Variants in CACNG7 observed in about 807,000 individuals in gnomAD.
CACNG7 encodes the protein voltage-dependent calcium channel gamma-7 subunit.
In CACNG7, 9 loss-of-function variants were observed where a neutral mutation model predicts 26.3. That is an observed-to-expected ratio of 0.34 (90% CI 0.21 to 0.60). The LOEUF (loss-of-function observed/expected upper bound fraction) is 0.60, where lower values mean the gene tolerates loss of function less well. CACNG7 is among the 20% of genes least tolerant of loss of function. CACNG7 has a pLI of 0.81. For missense variants in CACNG7, 297 were observed against 380.4 expected (o/e 0.78, Z 1.82); for synonymous variants, 170 against 157.0 (o/e 1.08, Z -0.62).
At position 53,918,655 on chromosome 19, in the gene CACNG7, A is replaced by C. The variant is rs1446889955; in HGVS notation, c.424+3150A>C. 2.0e-5 allele frequency among the ~76,000 whole-genome samples: 3 copies of C among 152,238 alleles called. No individual in the cohort carries two copies. In the East Asian group the frequency reaches 5.8e-4, roughly 29 times the overall value. The stretch of plus-strand genomic sequence containing the variant: ...GAACACTTGTTGTTTTAAGTAAATA[A>C]ATAAATGTAGTAATGATAGTAGTAC... On this transcript the variant is annotated intron_variant, in intron 4 of 5. Coordinates refer to ENST00000391767, the MANE Select transcript of CACNG7 (RefSeq NM_031896.5).
At position 53,943,540 on chromosome 19, in the gene CACNG7, AG is replaced by A. The variant is rs1193400428; in HGVS notation, c.*1253del. 1 of 19,412 alleles carries A rather than the reference AG, an allele frequency of 5.2e-5. No homozygotes were observed. Among genetic ancestry groups the A allele is most frequent in the African/African-American group, 2.1e-4 (1 of 4,714 alleles). The allele number at this position is 19,412 out of a possible 1,614,324, so 1.2% of individuals were successfully genotyped here. On this transcript the variant is annotated 3_prime_UTR_variant, in exon 6 of 6. Coordinates refer to ENST00000391767, the MANE Select transcript of CACNG7 (RefSeq NM_031896.5). ...GCTTTTAGTTTGCATCTTAGGTGGG[AG>A]GGGGGAGGGGGGACCCGCCGCAGTT... is the stretch of plus-strand genomic sequence containing the variant.
chr19:53,910,298 G>C (rs1033495459), intron 1 of CACNG7, among the ~76,000 whole-genome samples: 1 of 151,442 alleles, frequency 6.6e-6, no homozygotes, highest in Non-Finnish European at 1.5e-5. Context: ...CGCCAGGCGG[G>C]GGATGGGAGG....
chr19:53,938,772 C>T (rs1457503599), intron 4 of CACNG7, among the ~76,000 whole-genome samples: 1 of 151,940 alleles, frequency 6.6e-6, no homozygotes, highest in Non-Finnish European at 1.5e-5. Context: ...CATGGCAAAA[C>T]CCTGTCTCTG....
At chr19:53,941,010 C>T (rs959935267) in intron 4 of CACNG7, among the ~76,000 whole-genome samples, 1 of 151,090 alleles carries the variant, frequency 6.6e-6, no homozygotes, top group African/African-American at 2.4e-5. Context: ...TGCGGTGAGC[C>T]GAGATCGGGC....
chr19:53,926,345 G>A (rs1486557150), intron 4 of CACNG7, among the ~76,000 whole-genome samples: 1 of 151,796 alleles, frequency 6.6e-6, no homozygotes, highest in Non-Finnish European at 1.5e-5. Context: ...TCTTCTCCTT[G>A]AAAATGCTAA....
intron 4 of CACNG7, among the ~76,000 whole-genome samples, chr19:53,930,074 CAA>C (rs35004784): frequency 1.2e-4 from 11 of 92,552 alleles, no homozygotes; most frequent in Non-Finnish European, 1.6e-4. Flanking sequence ...CTACATGCTA[CAA>C]AAAAAAAAAA....
In CACNG7 at chr19:53,912,851, G is replaced by T; in HGVS notation, c.20G>T (p.Arg7Leu). 1 of 1,613,084 alleles carries T rather than the reference G, an allele frequency of 6.2e-7. No individual in the cohort carries two copies. Residue 7 changes from arginine (R) to leucine (L), a missense_variant, in exon 2 of 6, where the codon CGC becomes CTC. Physicochemically the swap from Arg to Leu is moderately radical, Grantham distance 102. Transcript: ENST00000391767. This position sits in a 1 kb window ranked among gnomAD's most constrained non-coding sequence, Gnocchi z 4.6. MSHCSS[R>L]ALTLLSSVFG... ...CTGAGGATGAGTCACTGCAGCAGCC[G>T]CGCCCTGACCCTGCTGAGCAGCGTG...
chr19:53,918,994 T>C (rs1599970815), intron 4 of CACNG7, among the ~76,000 whole-genome samples: 1 of 152,196 alleles, frequency 6.6e-6, no homozygotes, highest in African/African-American at 2.4e-5. Context: ...GGTCTTGAAC[T>C]CTCGACCTCA....
intron 4 of CACNG7, among the ~76,000 whole-genome samples, chr19:53,922,850 C>A (rs1222401780): frequency 1.5e-5 from 1 of 65,380 alleles, no homozygotes; most frequent in Non-Finnish European, 2.6e-5. Context: ...GGTGCAGTTG[C>A]CCCAGGTCTG....
intron 4 of CACNG7, among the ~76,000 whole-genome samples, chr19:53,925,985 A>G (rs971634326): frequency 6.6e-6 from 1 of 152,184 alleles, no homozygotes. Flanking sequence ...TGCCTGTCCC[A>G]CATTAGCCCC....
In CACNG7 at chr19:53,909,751, G is replaced by T. The variant is rs970524223; in HGVS notation, c.-30+234G>T. Among the ~76,000 whole-genome samples, 17 of 152,124 alleles carry T rather than the reference G, an allele frequency of 1.1e-4. No individual in the cohort carries two copies. The highest frequency in any genetic ancestry group is 4.1e-4 in the African/African-American group (17 of 41,438). On this transcript the variant is annotated intron_variant, in intron 1 of 5. Coordinates refer to ENST00000391767, the MANE Select transcript of CACNG7 (RefSeq NM_031896.5). This position sits in a 1 kb window ranked among gnomAD's most constrained non-coding sequence, Gnocchi z 5.1. ...AAACTGCACTCCTCGCGTCCGAGTC[G>T]CAGCGAGCGTGGGCTGGGGAGGGCA...
At chr19:53,924,003 A>G (rs2068995309) in intron 4 of CACNG7, among the ~76,000 whole-genome samples, 2 of 111,818 alleles carry the variant, frequency 1.8e-5, no homozygotes, top group African/African-American at 3.7e-5. Flanking sequence ...TCATTGGTGG[A>G]GTTGTCCCCA....
chr19:53,921,780 TC>T (rs1347801122), intron 4 of CACNG7, among the ~76,000 whole-genome samples: 20 of 76,146 alleles, frequency 2.6e-4, no homozygotes, highest in Admixed American at 5.0e-4. Flanking sequence ...CCAGGTCTGG[TC>T]ATTGGTGGAG....
Position 53,912,815 on chromosome 19 carries a change from GC to G in CACNG7, c.-12del. 1 of 1,609,370 alleles carries G rather than the reference GC, an allele frequency of 6.2e-7. No individual in the cohort carries two copies. The highest frequency in any genetic ancestry group is 8.5e-7 in the Non-Finnish European group (1 of 1,179,754). Reference sequence around the variant, plus strand: ...TTCCCTTCCACAGGCCCCGCAGGGCGCCCCCTGCCTCTGAGGATGAGTCACT... The same window carrying G: ...TTCCCTTCCACAGGCCCCGCAGGGCGCCCCTGCCTCTGAGGATGAGTCACT... On this transcript the variant is annotated 5_prime_UTR_variant, in exon 2 of 6. Coordinates refer to ENST00000391767, the MANE Select transcript of CACNG7 (RefSeq NM_031896.5). The surrounding 1 kb of genome is among the most constrained non-coding windows in gnomAD (Gnocchi z 4.6).
intron 4 of CACNG7, among the ~76,000 whole-genome samples, chr19:53,920,380 TCAGGTCTGGTCATTGGTGGACTTGCCC>T (rs1568773317): frequency 7.9e-5 from 5 of 63,574 alleles, no homozygotes; most frequent in Admixed American, 6.6e-4. Context: ...TGGAGTTGCC[TCAGGTCTGGTCATTGGTGGACTTGCCC>T]CAGGTCTGGT....
chr19:53,930,283 A>C lies in CACNG7; in HGVS notation c.425-11187A>C, dbSNP rs1261384050. Among the ~76,000 whole-genome samples the C allele has an allele frequency of 2.0e-5, 3 of 150,196 alleles. No homozygotes were observed. In the East Asian group the frequency reaches 5.9e-4, roughly 30 times the overall value. On this transcript the variant is annotated intron_variant, in intron 4 of 5. Transcript: ENST00000391767. Reference sequence around the variant, plus strand: ...GAGTGCAATGGTGCCATCTCTGCTCACTGCAACCTCTGCCCCCTGGGTTCA... The same window carrying C: ...GAGTGCAATGGTGCCATCTCTGCTCCCTGCAACCTCTGCCCCCTGGGTTCA...
At chr19:53,937,362 G>A (rs1252432232) in intron 4 of CACNG7, among the ~76,000 whole-genome samples, 1 of 152,086 alleles carries the variant, frequency 6.6e-6, no homozygotes, top group African/African-American at 2.4e-5. Context: ...TTCACGTGGC[G>A]GCACCGTTTT....
chr19:53,913,346 G>C (rs2068872746), intron 2 of CACNG7, among the ~76,000 whole-genome samples: 1 of 152,154 alleles, frequency 6.6e-6, no homozygotes, highest in Middle Eastern at 3.4e-3. Context: ...CATGGGACGG[G>C]CGCGGTGGCT....
At chr19:53,919,211 C>A (rs2068918601) in intron 4 of CACNG7, among the ~76,000 whole-genome samples, 1 of 152,174 alleles carries the variant, frequency 6.6e-6, no homozygotes, top group Non-Finnish European at 1.5e-5. Flanking sequence ...AAGTTAAGGA[C>A]AGAAATAGTA....
Sources: gnomAD v4.1 joint callset for allele counts (sites outside exome capture counted in the v4.1 genomes callset) on GRCh38, gnomAD v4.1.1 for gene constraint, Gnocchi (gnomAD v3.1) non-coding constraint, MANE v1.5 for transcripts, NCBI Gene and HGNC (gene_info 2026-07-23, HGNC 2026-07-21) for gene names.